The following FGF1 variants were observed in gnomAD, a reference collection of about 807,000 sequenced individuals.
The protein encoded by FGF1 is fibroblast growth factor 1.
In FGF1, 9 loss-of-function variants were observed where a neutral mutation model predicts 13.4. The observed-to-expected ratio is 0.67, with a 90% CI of 0.40 to 1.17. The LOEUF is 1.17. Ranked by LOEUF, FGF1 falls within the 50% of genes most tolerant of loss-of-function variation. FGF1 has a pLI of 0.01. For missense variants in FGF1, 156 were observed against 192.7 expected (o/e 0.81, Z 1.13); for synonymous variants, 93 against 79.0 (o/e 1.18, Z -0.94).
chr5:142,647,480 A>G (rs1035533946), intron 1 of FGF1, among the ~76,000 whole-genome samples: 1 of 152,216 alleles, frequency 6.6e-6, no homozygotes, highest in Non-Finnish European at 1.5e-5. Context: ...CACAATGCAC[A>G]TGTTCATAAA....
chr5:142,634,207 A>C lies in FGF1; in HGVS notation c.-34-20046T>G, dbSNP rs17217079. Among the ~76,000 whole-genome samples, 14 of 151,888 alleles carry C rather than the reference A, an allele frequency of 9.2e-5. 1 individual carries two copies. Among genetic ancestry groups the C allele is most frequent in the African/African-American group, 2.4e-4 (10 of 41,442 alleles). Reference sequence around the variant, plus strand: ...GACTCCATCTCAAGAAAAAAAAAAAAAAAAAACTCCCTCTAGTGAAATCAC... The same window carrying C: ...GACTCCATCTCAAGAAAAAAAAAAACAAAAAACTCCCTCTAGTGAAATCAC... On this transcript the variant is annotated intron_variant, in intron 1 of 3. Transcript: ENST00000337706.
chr5:142,637,467 C>T (rs1764464913), intron 1 of FGF1, among the ~76,000 whole-genome samples: 1 of 151,870 alleles, frequency 6.6e-6, no homozygotes, highest in South Asian at 2.1e-4. Context: ...CTACAGGTGC[C>T]TGCCACCACA....
intron 1 of FGF1, among the ~76,000 whole-genome samples, chr5:142,653,842 T>C (rs560901871): frequency 6.6e-6 from 1 of 152,292 alleles, no homozygotes; most frequent in South Asian, 2.1e-4. Context: ...GCCTGTAATC[T>C]CAGCACTTTG....
intron 2 of FGF1, among the ~76,000 whole-genome samples, chr5:142,692,823 AAAACAAACAAAC>A (rs59345808): frequency 1.8e-4 from 27 of 151,210 alleles, no homozygotes; most frequent in East Asian, 7.7e-4. Flanking sequence ...CTATTTGGCA[AAAACAAACAAAC>A]AAACAAACAA....
chr5:142,645,130 C>T (rs959333325), intron 1 of FGF1, among the ~76,000 whole-genome samples: 5 of 152,114 alleles, frequency 3.3e-5, no homozygotes, highest in South Asian at 2.1e-4. Context: ...TCCTGAAGCT[C>T]CCAGCTTAAA....
At chr5:142,691,843 T>G (rs1752277407) in intron 2 of FGF1, among the ~76,000 whole-genome samples, 1 of 152,222 alleles carries the variant, frequency 6.6e-6, no homozygotes, top group Non-Finnish European at 1.5e-5. Context: ...ATTACATGAA[T>G]GCATGAGCCT....
chr5:142,608,617 A>G (rs1365928571), intron 2 of FGF1, among the ~76,000 whole-genome samples: 1 of 104,190 alleles, frequency 9.6e-6, no homozygotes, highest in Non-Finnish European at 1.8e-5. Context: ...AATATATATG[A>G]AAAAAAAAAC....
At chr5:142,619,646 G>C (rs534833772) in intron 1 of FGF1, among the ~76,000 whole-genome samples, 19 of 152,116 alleles carry the variant, frequency 1.2e-4, no homozygotes, top group African/African-American at 3.9e-4. Context: ...CCAGCCTGAC[G>C]AACATGGAGA....
intron 2 of FGF1, among the ~76,000 whole-genome samples, chr5:142,603,120 A>G (rs1756940829): frequency 6.6e-6 from 1 of 152,206 alleles, no homozygotes; most frequent in South Asian, 2.1e-4. Context: ...GAACAGGCCT[A>G]TGGGCCTCCA....
intron 1 of FGF1, among the ~76,000 whole-genome samples, chr5:142,660,086 A>G (rs569758553): frequency 6.6e-6 from 1 of 152,324 alleles, no homozygotes; most frequent in South Asian, 2.1e-4. Flanking sequence ...CTCACACAAC[A>G]TGACTGTGGT....
At chr5:142,681,145 G>A (rs1773624330) in intron 1 of FGF1, among the ~76,000 whole-genome samples, 1 of 152,218 alleles carries the variant, frequency 6.6e-6, no homozygotes, top group Non-Finnish European at 1.5e-5. Flanking sequence ...CCTTGGACAA[G>A]GTCAGGAGAC....
At chr5:142,637,522 T>C (rs1764476466) in intron 1 of FGF1, among the ~76,000 whole-genome samples, 1 of 151,976 alleles carries the variant, frequency 6.6e-6, no homozygotes, top group African/African-American at 2.4e-5. Flanking sequence ...GGTTTCACCA[T>C]GTTAGCCACG....
chr5:142,610,714 G>C (rs911187276), intron 2 of FGF1, among the ~76,000 whole-genome samples: 1 of 152,142 alleles, frequency 6.6e-6, no homozygotes, highest in African/African-American at 2.4e-5. Context: ...CTGCAGCAGC[G>C]ATCTAAGGAA....
chr5:142,592,564 G>A lies in FGF1; in HGVS notation c.*2726C>T, dbSNP rs759947308. ...GAAAATGAATCCATATGAGAGTCAC[G>A]TGACAGGAGCTGGCTATGAGACTTA... On this transcript the variant is annotated 3_prime_UTR_variant, in exon 4 of 4. Coordinates refer to ENST00000337706, the MANE Select transcript of FGF1 (RefSeq NM_000800.5). The A allele has an allele frequency of 1.7e-4, 69 of 397,106 alleles. No homozygotes were observed. Among genetic ancestry groups the A allele is most frequent in the East Asian group, 3.6e-4 (10 of 28,052 alleles). 24.6% of individuals were successfully genotyped at this position (397,106 alleles called of 1,614,324 possible). A position where few individuals can be genotyped will look rare whatever the true frequency, so the allele number is the denominator to read the frequency against.
chr5:142,637,157 G>C (rs192104242), intron 1 of FGF1, among the ~76,000 whole-genome samples: 9 of 151,950 alleles, frequency 5.9e-5, no homozygotes, highest in Non-Finnish European at 1.0e-4. Context: ...AGAGACAGTG[G>C]CATTTAGCCA....
At chr5:142,629,834 GA>G (rs1431620487) in intron 1 of FGF1, among the ~76,000 whole-genome samples, 3 of 145,806 alleles carry the variant, frequency 2.1e-5, no homozygotes, top group Admixed American at 6.9e-5. Flanking sequence ...TTGGATTTTT[GA>G]AAAATACTGC....
intron 1 of FGF1, among the ~76,000 whole-genome samples, chr5:142,639,218 T>A (rs1764764905): frequency 6.6e-6 from 1 of 152,024 alleles, no homozygotes; most frequent in Non-Finnish European, 1.5e-5. Flanking sequence ...ATATCTGCAC[T>A]CCTGTGTGCA....
In FGF1 at chr5:142,596,443, A is replaced by AT. The variant is rs1381298854; in HGVS notation, c.274-960dup. 9.0e-3 allele frequency among the ~76,000 whole-genome samples: 1,149 copies of AT among 127,228 alleles called. 68 individuals are homozygous for AT. The highest frequency in any genetic ancestry group is 0.013 in the Middle Eastern group (3 of 232). 83.5% of individuals were successfully genotyped at this position (127,228 alleles called of 152,430 possible). A position where few individuals can be genotyped will look rare whatever the true frequency, so the allele number is the denominator to read the frequency against. On this transcript the variant is annotated intron_variant, in intron 3 of 3. Transcript: ENST00000337706. The stretch of plus-strand genomic sequence containing the variant: ...AACATAGCAAGACCCATTCTCTACA[A>AT]TTTTTTTTTTTTTAATTAGCTAGGT...
upstream of FGF1, among the ~76,000 whole-genome samples, chr5:142,689,914 A>G (rs1430853209): frequency 1.3e-5 from 2 of 149,332 alleles, no homozygotes; most frequent in African/African-American, 2.5e-5. Context: ...TGTTAGCCAG[A>G]ATGGTCTCGA....
Sources: allele counts gnomAD v4.1 joint callset (sites outside exome capture counted in the v4.1 genomes callset), GRCh38; gene constraint gnomAD v4.1.1; transcripts MANE v1.5; gene names NCBI Gene and HGNC (gene_info 2026-07-23, HGNC 2026-07-21).